The following CTNNAL1 variants were observed in gnomAD, a reference collection of about 807,000 sequenced individuals.
The protein encoded by CTNNAL1 is alpha-catulin.
CTNNAL1 carries 69 observed loss-of-function variants against 93.6 expected under a neutral mutation model. That is an observed-to-expected ratio of 0.74 (90% CI 0.61 to 0.90). CTNNAL1 has a LOEUF of 0.90. CTNNAL1 is among the 40% of genes least tolerant of loss of function. The probability of loss-of-function intolerance (pLI) is 0.00; values close to 1 mark genes in which losing one functional copy is unlikely to be tolerated. For synonymous variants in CTNNAL1, 286 were observed against 305.4 expected (o/e 0.94, Z 0.66); for missense variants, 836 against 862.0 (o/e 0.97, Z 0.38).
intron 2 of CTNNAL1, among the ~76,000 whole-genome samples, chr9:108,996,890 T>C (rs1432182575): frequency 2.0e-5 from 3 of 150,122 alleles, no homozygotes; most frequent in Non-Finnish European, 4.4e-5. Flanking sequence ...GTTTGCTTCC[T>C]TTCAACAAAC....
At chr9:109,010,764 A>G (rs578254245) in intron 1 of CTNNAL1, among the ~76,000 whole-genome samples, 50 of 152,348 alleles carry the variant, frequency 3.3e-4, no homozygotes, top group African/African-American at 1.2e-3. Context: ...GAGTCAGAAG[A>G]AGCTAGATGA....
At chr9:108,999,730 A>T (rs11789252) in intron 1 of CTNNAL1, among the ~76,000 whole-genome samples, 33,180 of 152,120 alleles carry the variant, frequency 0.22, 4,431 homozygotes, top group Admixed American at 0.3. Flanking sequence ...CATGTTTACC[A>T]AATTAACTAG....
At chr9:108,946,882 C>T (rs1407972819) in intron 15 of CTNNAL1, among the ~76,000 whole-genome samples, 1 of 151,904 alleles carries the variant, frequency 6.6e-6, no homozygotes, top group Non-Finnish European at 1.5e-5. Context: ...AACACCCCTA[C>T]AGGGCGGTAT....
At chr9:108,992,875 C>A in intron 2 of CTNNAL1, 56 bp from the exon 3 acceptor site, 1 of 1,525,510 alleles carries the variant, frequency 6.6e-7, no homozygotes, top group Non-Finnish European at 8.8e-7. Context: ...AAAATCTAGA[C>A]TTCTCTCTAA....
chr9:108,949,824 A>C (rs550638459), intron 14 of CTNNAL1, among the ~76,000 whole-genome samples: 1 of 152,146 alleles, frequency 6.6e-6, no homozygotes, highest in Non-Finnish European at 1.5e-5. Flanking sequence ...AGCCTGGGTG[A>C]CAGAGCAAGA....
chr9:108,944,552 T>C (rs1321826665), intron 15 of CTNNAL1, among the ~76,000 whole-genome samples: 1 of 152,176 alleles, frequency 6.6e-6, no homozygotes, highest in Non-Finnish European at 1.5e-5. Context: ...GTACCATGAA[T>C]TCTATAATTT....
At chr9:108,982,797 A>C (rs1831475272) in intron 6 of CTNNAL1, among the ~76,000 whole-genome samples, 1 of 152,182 alleles carries the variant, frequency 6.6e-6, no homozygotes. Context: ...GAAAGAAAAG[A>C]CTGAGTGCAG....
At chr9:108,974,926 G>A (rs530746170) in intron 8 of CTNNAL1, among the ~76,000 whole-genome samples, 1 of 152,144 alleles carries the variant, frequency 6.6e-6, no homozygotes, top group East Asian at 1.9e-4. Context: ...ACTTTGGGAG[G>A]CCAGGGCAGG....
chr9:109,007,693 G>A (rs757608917), intron 1 of CTNNAL1, among the ~76,000 whole-genome samples: 1 of 152,122 alleles, frequency 6.6e-6, no homozygotes, highest in South Asian at 2.1e-4. Flanking sequence ...AAACATATGA[G>A]TATATATAAC....
chr9:109,001,893 A>T (rs1826842194), intron 1 of CTNNAL1, among the ~76,000 whole-genome samples: 1 of 152,248 alleles, frequency 6.6e-6, no homozygotes, highest in Admixed American at 6.5e-5. Context: ...ATTTCAGTTA[A>T]ATTGTTCTGC....
At chr9:108,990,982 C>T in intron 3 of CTNNAL1, 137 bp from the exon 4 acceptor site, 2 of 901,218 alleles carry the variant, frequency 2.2e-6, no homozygotes, top group Non-Finnish European at 3.3e-6. Context: ...ATAGAAGACA[C>T]ACAAGGGGAT....
Position 108,943,054 on chromosome 9 carries a change from C to T in CTNNAL1, c.2056-10G>A. ...TAATACACTTGTCAACCTACAATGA[C>T]AAAAAGCATGCAAATGATATTCTAA... On this transcript the variant is annotated splice_polypyrimidine_tract_variant and intron_variant, in intron 17 of 18. Coordinates refer to ENST00000325551, the MANE Select transcript of CTNNAL1 (RefSeq NM_003798.4). 6.3e-7 allele frequency: 1 copy of T among 1,598,484 alleles called. No homozygotes were observed. Among genetic ancestry groups the T allele is most frequent in the South Asian group, 1.1e-5 (1 of 87,410 alleles).
chr9:109,010,380 T>G (rs1827171738), intron 1 of CTNNAL1, among the ~76,000 whole-genome samples: 1 of 152,256 alleles, frequency 6.6e-6, no homozygotes, highest in Non-Finnish European at 1.5e-5. Context: ...TTCCTTTTAT[T>G]TCTTCTCCTT....
chr9:109,005,860 TC>T (rs1827009314), intron 1 of CTNNAL1, among the ~76,000 whole-genome samples: 1 of 152,194 alleles, frequency 6.6e-6, no homozygotes, highest in African/African-American at 2.4e-5. Flanking sequence ...AGAAGCGCCT[TC>T]CCCAGTGCAT....
chr9:108,948,890 C>A (rs1004084422), intron 14 of CTNNAL1, among the ~76,000 whole-genome samples: 1 of 151,978 alleles, frequency 6.6e-6, no homozygotes, highest in African/African-American at 2.4e-5. Flanking sequence ...CTAGTAGCAA[C>A]CAGTTCTGCC....
intron 6 of CTNNAL1, among the ~76,000 whole-genome samples, chr9:108,980,622 C>G (rs1182001033): frequency 6.6e-6 from 1 of 152,100 alleles, no homozygotes; most frequent in Non-Finnish European, 1.5e-5. Context: ...TCACTCCATC[C>G]TAGGTAGACA....
At chr9:108,975,565 C>G (rs1162732955) in intron 8 of CTNNAL1, among the ~76,000 whole-genome samples, 1 of 152,140 alleles carries the variant, frequency 6.6e-6, no homozygotes, top group Non-Finnish European at 1.5e-5. Flanking sequence ...GGAGAAGAGA[C>G]CACATCTTCC....
chr9:108,975,494 T>C (rs528362545), intron 8 of CTNNAL1, among the ~76,000 whole-genome samples: 12 of 152,184 alleles, frequency 7.9e-5, no homozygotes, highest in African/African-American at 2.9e-4. Context: ...TCTCTCTCTA[T>C]GCCACAACCT....
intron 4 of CTNNAL1, among the ~76,000 whole-genome samples, chr9:108,985,033 T>C (rs1831564627): frequency 6.6e-6 from 1 of 152,146 alleles, no homozygotes; most frequent in Non-Finnish European, 1.5e-5. Flanking sequence ...CACTGTGTAT[T>C]GAATTTGTTT....
Sources: gnomAD v4.1 joint callset for allele counts (sites outside exome capture counted in the v4.1 genomes callset) on GRCh38, gnomAD v4.1.1 for gene constraint, MANE v1.5 for transcripts, NCBI Gene and HGNC (gene_info 2026-07-23, HGNC 2026-07-21) for gene names.